RGS7: variants seen among roughly 807,000 people sequenced by gnomAD.
The protein encoded by RGS7 is regulator of G-protein signaling 7.
Under a neutral mutation model 81.1 loss-of-function variants are expected in RGS7, and 27 were observed. That is an observed-to-expected ratio of 0.33 (90% CI 0.25 to 0.46). The LOEUF (loss-of-function observed/expected upper bound fraction) is 0.46. Ranked by LOEUF, RGS7 falls within the 20% of genes least tolerant of loss-of-function variation. The pLI is 1.00. For synonymous variants in RGS7, 208 were observed against 207.7 expected (o/e 1.00, Z -0.01); for missense variants, 396 against 607.4 (o/e 0.65, Z 3.66).
At chr1:241,203,917 A>G (rs574430405) in intron 2 of RGS7, among the ~76,000 whole-genome samples, 1 of 152,322 alleles carries the variant, frequency 6.6e-6, no homozygotes, top group South Asian at 2.1e-4. Flanking sequence ...CAGTCCAGAC[A>G]AGGAAGTTAA....
intron 3 of RGS7, among the ~76,000 whole-genome samples, chr1:241,039,565 CTT>C (rs10534818): frequency 0.19 from 28,150 of 147,348 alleles, 2,925 homozygotes; most frequent in Non-Finnish European, 0.24. Flanking sequence ...GAACTCATTT[CTT>C]TTTTTTTTTT....
chr1:241,244,416 T>C (rs945884007), intron 2 of RGS7, among the ~76,000 whole-genome samples: 1 of 151,984 alleles, frequency 6.6e-6, no homozygotes, highest in African/African-American at 2.4e-5. Context: ...AGATATCATC[T>C]CACCAGTTAG....
At chr1:241,278,192 T>C (rs2078299220) in intron 2 of RGS7, among the ~76,000 whole-genome samples, 1 of 152,208 alleles carries the variant, frequency 6.6e-6, no homozygotes, top group South Asian at 2.1e-4. Context: ...GATCAGCTCA[T>C]GTTTAATCTT....
chr1:240,928,208 G>A (rs1463860377), intron 6 of RGS7, among the ~76,000 whole-genome samples: 1 of 152,108 alleles, frequency 6.6e-6, no homozygotes, highest in Non-Finnish European at 1.5e-5. Flanking sequence ...GTTGTAGTGC[G>A]AAGGCCTACC....
chr1:241,254,404 T>G (rs998220989), intron 2 of RGS7, among the ~76,000 whole-genome samples: 1 of 152,112 alleles, frequency 6.6e-6, no homozygotes, highest in African/African-American at 2.4e-5. Flanking sequence ...CAACAAAATT[T>G]ATTTTTCACG....
intron 3 of RGS7, among the ~76,000 whole-genome samples, chr1:241,072,910 TC>T (rs1192381861): frequency 6.6e-6 from 1 of 152,122 alleles, no homozygotes; most frequent in Non-Finnish European, 1.5e-5. Flanking sequence ...CTCAGTATTT[TC>T]AAATAATAAA....
At chr1:240,919,704 T>A in intron 6 of RGS7, 1 of 597,296 alleles carries the variant, frequency 1.7e-6, no homozygotes, top group Non-Finnish European at 3.0e-6. Context: ...AAGCTCTTCA[T>A]TGGAGGGCTG....
Position 240,868,366 on chromosome 1 carries a change from G to A in RGS7, c.609+221C>T, listed in dbSNP as rs1476791959. On this transcript the variant is annotated intron_variant, in intron 9 of 18. Transcript: ENST00000440928. The surrounding 1 kb of genome is among the most constrained non-coding windows in gnomAD (Gnocchi z 5.1). ...TCAAATAGCAAGAGAGTAAGCAAGCGATATCATGGTGGGAAAATGCATGGT... is the reference window on the plus strand; with the variant it reads ...TCAAATAGCAAGAGAGTAAGCAAGCAATATCATGGTGGGAAAATGCATGGT... Among the ~76,000 whole-genome samples, 1 of 152,128 alleles carries A rather than the reference G, an allele frequency of 6.6e-6. No individual in the cohort carries two copies. Among genetic ancestry groups the A allele is most frequent in the African/African-American group, 2.4e-5 (1 of 41,432 alleles).
At chr1:240,980,700 G>A (rs1039482797) in intron 4 of RGS7, among the ~76,000 whole-genome samples, 1 of 152,100 alleles carries the variant, frequency 6.6e-6, no homozygotes, top group Non-Finnish European at 1.5e-5. Flanking sequence ...CATTTTCCAT[G>A]TGCACAATCT....
intron 2 of RGS7, among the ~76,000 whole-genome samples, chr1:241,218,603 T>C (rs900994273): frequency 6.6e-6 from 1 of 152,200 alleles, no homozygotes; most frequent in Non-Finnish European, 1.5e-5. Context: ...CCTGGGTTTC[T>C]GACTCCTTAG....
chr1:241,058,094 T>C (rs1340203555), intron 3 of RGS7, among the ~76,000 whole-genome samples: 3 of 151,988 alleles, frequency 2.0e-5, no homozygotes, highest in East Asian at 3.9e-4. Flanking sequence ...TCCATATAGA[T>C]AGAAAAAGCA....
At chr1:241,288,619 A>AGCC (rs2078940963) in intron 2 of RGS7, among the ~76,000 whole-genome samples, 1 of 152,176 alleles carries the variant, frequency 6.6e-6, no homozygotes, top group Admixed American at 6.5e-5. Context: ...TTTGCTGCAG[A>AGCC]GCCCACGGTT....
At chr1:241,103,789 T>C (rs2064928474) in intron 2 of RGS7, among the ~76,000 whole-genome samples, 1 of 152,104 alleles carries the variant, frequency 6.6e-6, no homozygotes, top group African/African-American at 2.4e-5. Context: ...TGAGAGGATC[T>C]CTTGAGCCTG....
chr1:241,317,023 A>C (rs765539567), intron 2 of RGS7, among the ~76,000 whole-genome samples: 1 of 152,240 alleles, frequency 6.6e-6, no homozygotes, highest in Non-Finnish European at 1.5e-5. Flanking sequence ...AAGTCTTGAC[A>C]GCTAATAAAA....
At chr1:240,830,626 T>A (rs1016069551) in intron 9 of RGS7, among the ~76,000 whole-genome samples, 2 of 152,212 alleles carry the variant, frequency 1.3e-5, no homozygotes, top group Non-Finnish European at 2.9e-5. Flanking sequence ...GCAGAGCACA[T>A]GCGTTGAAAC....
chr1:240,895,654 A>G (rs1293231094), intron 6 of RGS7, among the ~76,000 whole-genome samples: 1 of 152,190 alleles, frequency 6.6e-6, no homozygotes, highest in East Asian at 1.9e-4. Flanking sequence ...TCCATGGTGT[A>G]TATGTGCCAC....
intron 2 of RGS7, among the ~76,000 whole-genome samples, chr1:241,242,558 T>C (rs10926437): frequency 0.24 from 36,302 of 152,130 alleles, 5,010 homozygotes; most frequent in East Asian, 0.51. Flanking sequence ...TCCACACTGT[T>C]TTCCATAGTG....
chr1:241,257,662 G>A (rs12404897), intron 2 of RGS7, among the ~76,000 whole-genome samples: 48,789 of 151,880 alleles, frequency 0.32, 7,819 homozygotes, highest in South Asian at 0.34. Context: ...AAGGCCAATG[G>A]TAAGGAGATT....
chr1:240,951,874 C>A, intron 4 of RGS7, among the ~76,000 whole-genome samples: 1 of 151,950 alleles, frequency 6.6e-6, no homozygotes, highest in South Asian at 2.1e-4. Flanking sequence ...AGAAAATAAT[C>A]TTGAAAAAAG....
Sources: allele counts gnomAD v4.1 joint callset (sites outside exome capture counted in the v4.1 genomes callset), GRCh38; gene constraint gnomAD v4.1.1; non-coding constraint Gnocchi (gnomAD v3.1); transcripts MANE v1.5; gene names NCBI Gene and HGNC (gene_info 2026-07-23, HGNC 2026-07-21).